The following IQCH variants were observed in gnomAD, a reference collection of about 807,000 sequenced individuals.
The protein encoded by IQCH is IQ domain-containing protein H.
In IQCH, 98 loss-of-function variants were observed where a neutral mutation model predicts 117.0. That is an observed-to-expected ratio of 0.84 (90% CI 0.71 to 0.99). The LOEUF (loss-of-function observed/expected upper bound fraction) is 0.99, where lower values mean the gene tolerates loss of function less well. IQCH is among the 50% of genes least tolerant of loss of function. The pLI is 0.00. For synonymous variants in IQCH, 412 were observed against 448.2 expected, an observed-to-expected ratio of 0.92 and a Z score of 1.02; for missense variants, 1,102 against 1,243.8, an observed-to-expected ratio of 0.89 and a Z score of 1.72.
rs1971661692 is a variant in IQCH at position 67,401,601 on chromosome 15, T to G, written c.2097+1296T>G. Among the ~76,000 whole-genome samples the G allele has an allele frequency of 6.6e-6, 1 of 152,076 alleles. No individual in the cohort carries two copies. The highest frequency in any genetic ancestry group is 2.1e-4 in the South Asian group (1 of 4,820). ...ACCACATTATTCTTGGAAAGTGGAG[T>G]GATGAATAAATCTATTGAACAGTCA... On this transcript the variant is annotated intron_variant, in intron 14 of 20. Transcript: ENST00000335894. The surrounding 1 kb of genome is among the most constrained non-coding windows in gnomAD (Gnocchi z 4.7).
At chr15:67,373,634 A>G (rs573515995) in intron 10 of IQCH, 1 of 660,806 alleles carries the variant, frequency 1.5e-6, no homozygotes. Flanking sequence ...TAAAGTCATT[A>G]TGTGGGGGCT....
chr15:67,438,687 T>C (rs1384625650), intron 16 of IQCH, among the ~76,000 whole-genome samples: 1 of 152,060 alleles, frequency 6.6e-6, no homozygotes, highest in Non-Finnish European at 1.5e-5. Context: ...ACATAAGGAC[T>C]CACATAAACT....
chr15:67,350,502 C>T (rs1226157777), intron 6 of IQCH, among the ~76,000 whole-genome samples: 5 of 152,244 alleles, frequency 3.3e-5, no homozygotes, highest in African/African-American at 1.2e-4. Flanking sequence ...TCTCGGTTCA[C>T]TACAACCTCC....
At chr15:67,352,665 C>T (rs989670012) in intron 6 of IQCH, among the ~76,000 whole-genome samples, 2 of 151,798 alleles carry the variant, frequency 1.3e-5, no homozygotes, top group African/African-American at 4.8e-5. Context: ...TAGATAGTGG[C>T]TAAAATTGTG....
chr15:67,396,324 GA>G (rs1971468320), intron 13 of IQCH, among the ~76,000 whole-genome samples: 1 of 151,536 alleles, frequency 6.6e-6, no homozygotes, highest in East Asian at 1.9e-4. Flanking sequence ...CGAAATGGAG[GA>G]GGGGAAAGAT....
chr15:67,484,753 TAATAA>T (rs1181812654), intron 18 of IQCH, among the ~76,000 whole-genome samples: 4 of 151,234 alleles, frequency 2.6e-5, no homozygotes, highest in East Asian at 1.9e-4. Flanking sequence ...AAAAAAAAAT[TAATAA>T]AATAAAATAA....
At position 67,443,970 on chromosome 15, in the gene IQCH, G is replaced by A. The variant is rs1397806547; in HGVS notation, c.2506-21157G>A. ...AGGCCACATGAACAGCTATTATGTG[G>A]CAAATCCAGGGTTCAGACTGTGACT... On this transcript the variant is annotated intron_variant, in intron 16 of 20. Coordinates refer to ENST00000335894, the MANE Select transcript of IQCH (RefSeq NM_001031715.3). This position sits in a 1 kb window ranked among gnomAD's most constrained non-coding sequence, Gnocchi z 5.0. Among the ~76,000 whole-genome samples the A allele has an allele frequency of 6.6e-6, 1 of 152,172 alleles. No individual in the cohort carries two copies. Among genetic ancestry groups the A allele is most frequent in the Non-Finnish European group, 1.5e-5 (1 of 68,032 alleles).
At chr15:67,321,946 G>A (rs761099197) in intron 4 of IQCH, among the ~76,000 whole-genome samples, 19 of 152,312 alleles carry the variant, frequency 1.2e-4, no homozygotes, top group South Asian at 6.2e-4. Flanking sequence ...TCCTACAATT[G>A]TTGGTTTGTG....
intron 4 of IQCH, among the ~76,000 whole-genome samples, chr15:67,324,601 ACT>A (rs1227756790): frequency 5.6e-5 from 7 of 123,960 alleles, no homozygotes; most frequent in African/African-American, 2.1e-4. Flanking sequence ...CAGCAGTGAG[ACT>A]CTGTCTAAAA....
chr15:67,458,903 A>AGG lies in IQCH; in HGVS notation c.2506-6224_2506-6223insGG, dbSNP rs1173565212. The stretch of plus-strand genomic sequence containing the variant: ...TGGATGCCATTTCTGGCGTGGGTGA[A>AGG]TTCTCAGTACTGCATGTCTCAGAGT... On this transcript the variant is annotated intron_variant, in intron 16 of 20. Coordinates refer to ENST00000335894, the MANE Select transcript of IQCH (RefSeq NM_001031715.3). The surrounding 1 kb of genome is among the most constrained non-coding windows in gnomAD (Gnocchi z 4.1). Among the ~76,000 whole-genome samples, 4 of 152,222 alleles carry AGG rather than the reference A, an allele frequency of 2.6e-5. No individual in the cohort carries two copies. The highest frequency in any genetic ancestry group is 2.9e-5 in the Non-Finnish European group (2 of 68,048).
chr15:67,296,255 A>G (rs1966851800), intron 4 of IQCH, among the ~76,000 whole-genome samples: 1 of 152,192 alleles, frequency 6.6e-6, no homozygotes, highest in Admixed American at 6.5e-5. Flanking sequence ...GCCTGACTGA[A>G]GTTCAAGTTT....
intron 10 of IQCH, among the ~76,000 whole-genome samples, chr15:67,379,087 T>A (rs1020907726): frequency 6.6e-6 from 1 of 152,014 alleles, no homozygotes; most frequent in Non-Finnish European, 1.5e-5. Context: ...CAAAAAAAAA[T>A]TTAGTGAGAA....
intron 10 of IQCH, among the ~76,000 whole-genome samples, chr15:67,379,935 C>G (rs1478580228): frequency 6.6e-6 from 1 of 152,132 alleles, no homozygotes; most frequent in Non-Finnish European, 1.5e-5. Flanking sequence ...TCACCGCAAC[C>G]TCCGCCTCCT....
intron 5 of IQCH, among the ~76,000 whole-genome samples, chr15:67,343,394 A>G (rs891571030): frequency 2.0e-5 from 3 of 152,208 alleles, no homozygotes. Flanking sequence ...GCTTGGGTCA[A>G]TCATTCATTG....
rs1567210936 is a variant in IQCH at position 67,465,124 on chromosome 15, C to A, written c.2506-3C>A. Reference sequence around the variant, plus strand: ...TCACTTCTACGGCTCCTGTTTTAATCAGGTGTGGGCAACCGGCCTTAACCT... The same window carrying A: ...TCACTTCTACGGCTCCTGTTTTAATAAGGTGTGGGCAACCGGCCTTAACCT... On this transcript the variant is annotated splice_polypyrimidine_tract_variant and splice_region_variant and intron_variant, in intron 16 of 20. Coordinates refer to ENST00000335894, the MANE Select transcript of IQCH (RefSeq NM_001031715.3). The surrounding 1 kb of genome is among the most constrained non-coding windows in gnomAD (Gnocchi z 5.9). The A allele has an allele frequency of 6.8e-6, 11 of 1,612,754 alleles. No homozygotes were observed. The highest frequency in any genetic ancestry group is 8.5e-6 in the Non-Finnish European group (10 of 1,179,318).
intron 3 of IQCH, among the ~76,000 whole-genome samples, chr15:67,270,119 G>C (rs1321044412): frequency 2.0e-5 from 3 of 152,222 alleles, no homozygotes; most frequent in Middle Eastern, 3.4e-3. Flanking sequence ...AACAGTTTTT[G>C]GTGGTGTCTT....
chr15:67,452,656 C>T (rs903126910), intron 16 of IQCH, among the ~76,000 whole-genome samples: 1 of 151,672 alleles, frequency 6.6e-6, no homozygotes, highest in African/African-American at 2.4e-5. Flanking sequence ...CTGCCCTTAA[C>T]ATTTTTTCCT....
Position 67,496,676 on chromosome 15 carries a change from C to G in IQCH, c.2970+2310C>G, listed in dbSNP as rs530712459. Among the ~76,000 whole-genome samples, 1 of 152,202 alleles carries G rather than the reference C, an allele frequency of 6.6e-6. No individual in the cohort carries two copies. The highest frequency in any genetic ancestry group is 2.4e-5 in the African/African-American group (1 of 41,534). The stretch of plus-strand genomic sequence containing the variant: ...CCTGGGCAACATAGCAAGACCTCAT[C>G]TCTACTAAGAAGAAGAAGAAGGAGA... On this transcript the variant is annotated intron_variant, in intron 20 of 20. Coordinates refer to ENST00000335894, the MANE Select transcript of IQCH (RefSeq NM_001031715.3). The surrounding 1 kb of genome is among the most constrained non-coding windows in gnomAD (Gnocchi z 4.4).
intron 6 of IQCH, among the ~76,000 whole-genome samples, chr15:67,355,009 G>T (rs1969828900): frequency 6.6e-6 from 1 of 152,114 alleles, no homozygotes; most frequent in Non-Finnish European, 1.5e-5. Context: ...TATGAGAAAG[G>T]CTGGGAAAGT....
Sources: allele counts gnomAD v4.1 joint callset (sites outside exome capture counted in the v4.1 genomes callset), GRCh38; gene constraint gnomAD v4.1.1; non-coding constraint Gnocchi (gnomAD v3.1); transcripts MANE v1.5; gene names NCBI Gene and HGNC (gene_info 2026-07-23, HGNC 2026-07-21).